CUBN: variants seen among roughly 807,000 people sequenced by gnomAD.
The protein encoded by CUBN is cubilin.
Under a neutral mutation model 405.3 loss-of-function variants are expected in CUBN, and 282 were observed. That is an observed-to-expected ratio of 0.70 (90% CI 0.63 to 0.77). The LOEUF is 0.77. Among genes scored for constraint, CUBN ranks in the 30% least tolerant of loss-of-function variants. CUBN has a pLI of 0.00. For synonymous variants in CUBN, 1,684 were observed against 1,617.0 expected (o/e 1.04, Z -0.99); for missense variants, 4,514 against 4,475.2 (o/e 1.01, Z -0.25).
intron 50 of CUBN, among the ~76,000 whole-genome samples, chr10:16,905,253 T>C (rs1695106760): frequency 6.6e-6 from 1 of 152,154 alleles, no homozygotes; most frequent in African/African-American, 2.4e-5. Context: ...AGCATAATCA[T>C]GGAAGCAACC....
chr10:16,858,516 T>C (rs1839927479), intron 59 of CUBN, among the ~76,000 whole-genome samples: 1 of 151,922 alleles, frequency 6.6e-6, no homozygotes, highest in Non-Finnish European at 1.5e-5. Flanking sequence ...AGACAGGGTC[T>C]TGCTATTATT....
At chr10:16,905,834 C>T (rs1273480095) in intron 50 of CUBN, among the ~76,000 whole-genome samples, 1 of 152,142 alleles carries the variant, frequency 6.6e-6, no homozygotes, top group Non-Finnish European at 1.5e-5. Context: ...TATTGTAGGC[C>T]AGCCGTGGTG....
intron 57 of CUBN, among the ~76,000 whole-genome samples, chr10:16,875,667 G>A (rs113126038): frequency 2.6e-5 from 4 of 152,168 alleles, no homozygotes; most frequent in African/African-American, 9.7e-5. Flanking sequence ...CAATTATGTG[G>A]TCTCTGGAAG....
chr10:17,113,597 T>C (rs1360334118), intron 8 of CUBN, among the ~76,000 whole-genome samples: 1 of 152,146 alleles, frequency 6.6e-6, no homozygotes, highest in African/African-American at 2.4e-5. Context: ...ATACCTCTGT[T>C]TAGGTCAAGG....
intron 6 of CUBN, among the ~76,000 whole-genome samples, chr10:17,116,056 G>A (rs550862594): frequency 1.8e-4 from 28 of 152,274 alleles, no homozygotes; most frequent in Non-Finnish European, 3.1e-4. Flanking sequence ...ACGCAATCCA[G>A]TGTCCACACC....
intron 27 of CUBN, among the ~76,000 whole-genome samples, chr10:17,020,281 A>G (rs146926116): frequency 5.3e-4 from 81 of 152,358 alleles, no homozygotes; most frequent in Non-Finnish European, 9.7e-4. Flanking sequence ...ATACGGAAAT[A>G]GTAGGCATTC....
rs1833308561 is a variant in CUBN, at chr10:16,982,660, G to A, written c.4526-7C>T. 2 of 1,610,654 alleles carry A rather than the reference G, an allele frequency of 1.2e-6. No homozygotes were observed. Among genetic ancestry groups the A allele is most frequent in the South Asian group, 1.1e-5 (1 of 90,972 alleles). ...TGGAAAATCCCACCACAACCTGGAAGTGGGGAACACAATTATTTCATGAGA... is the reference window on the plus strand; with the variant it reads ...TGGAAAATCCCACCACAACCTGGAAATGGGGAACACAATTATTTCATGAGA... On this transcript the variant is annotated splice_region_variant and splice_polypyrimidine_tract_variant and intron_variant, in intron 30 of 66. Coordinates refer to ENST00000377833, the MANE Select transcript of CUBN (RefSeq NM_001081.4).
rs756171220 is a variant in CUBN, at chr10:17,071,809, A to G, written c.2446+18T>C. On this transcript the variant is annotated intron_variant, in intron 18 of 66. Transcript: ENST00000377833. The stretch of plus-strand genomic sequence containing the variant: ...CAATCAGGCAAATTAGACATTTAAA[A>G]ATTATATGTTTCCTTACCGACTTGA... 4 of 1,609,412 alleles carry G rather than the reference A, an allele frequency of 2.5e-6. No homozygotes were observed. In the Admixed American group the frequency reaches 5.0e-5, roughly 20 times the overall value.
At chr10:16,956,819 C>T (rs1391687742) in intron 31 of CUBN, among the ~76,000 whole-genome samples, 1 of 151,892 alleles carries the variant, frequency 6.6e-6, no homozygotes, top group Non-Finnish European at 1.5e-5. Context: ...AGCATTTTTT[C>T]ATTTTTATAA....
chr10:17,109,645 G>A lies in CUBN; in HGVS notation c.1106C>T (p.Thr369Ile), dbSNP rs1005626524. ...GCHPDASCSS[T>I]LGSLPLCTCL... ...AGAGAGAGATGAGTCATTACCTAGA[G>A]TTGAGGAGCATGAGGCATCTGGGTG... The change falls in exon 10 of 67, where the codon ACT (threonine) becomes ATT (isoleucine). Residue 369 changes from threonine to isoleucine, a missense_variant. By Grantham distance (89) the Thr-to-Ile change is moderately conservative (BLOSUM62 -1). Transcript: ENST00000377833. The A allele has an allele frequency of 1.1e-5, 18 of 1,613,146 alleles. No individual in the cohort carries two copies. The highest frequency in any genetic ancestry group is 1.5e-5 in the Non-Finnish European group (18 of 1,179,176).
intron 59 of CUBN, among the ~76,000 whole-genome samples, chr10:16,857,599 G>A (rs2131348192): frequency 6.6e-6 from 1 of 152,276 alleles, no homozygotes; most frequent in South Asian, 2.1e-4. Flanking sequence ...AGTTGATGCT[G>A]AAAAAGGATT....
chr10:17,001,797 T>C (rs965670728), intron 28 of CUBN, among the ~76,000 whole-genome samples: 12 of 152,234 alleles, frequency 7.9e-5, no homozygotes, highest in African/African-American at 2.9e-4. Context: ...TCTATATTAT[T>C]TATCCTGCAT....
At chr10:16,946,460 T>C (rs1267910811) in intron 36 of CUBN, among the ~76,000 whole-genome samples, 6 of 151,928 alleles carry the variant, frequency 3.9e-5, no homozygotes, top group African/African-American at 1.4e-4. Context: ...AGTTTAAGTT[T>C]GGAAGTTAAA....
In CUBN at chr10:16,847,529, G is replaced by GT. The variant is rs573706345; in HGVS notation, c.9663+3705dup. On this transcript the variant is annotated intron_variant, in intron 60 of 66. Coordinates refer to ENST00000377833, the MANE Select transcript of CUBN (RefSeq NM_001081.4). ...GTACTTTAAATGTAATTATTTAAAT[G>GT]TATGTTTTTTGTTTACATGTCAGTC... Among the ~76,000 whole-genome samples, 323 of 152,268 alleles carry GT rather than the reference G, an allele frequency of 2.1e-3. 2 individuals are homozygous for GT. The highest frequency in any genetic ancestry group is 7.2e-3 in the African/African-American group (300 of 41,550).
intron 65 of CUBN, 50 bp downstream of exon 65, chr10:16,831,202 C>T (rs1294163477): frequency 1.3e-6 from 2 of 1,539,338 alleles, no homozygotes; most frequent in African/African-American, 2.7e-5. Context: ...CTATTAGACA[C>T]CTCATGTTTT....
At chr10:16,836,137 A>T in intron 63 of CUBN, 98 bp downstream of exon 63, 2 of 1,210,764 alleles carry the variant, frequency 1.7e-6, no homozygotes, top group Admixed American at 3.5e-5. Flanking sequence ...ATCCTAATTT[A>T]CTCACAGGAG....
rs768779825 is a variant in CUBN, at chr10:16,890,530, A to C, written c.8599-3T>G. 6.2e-7 allele frequency: 1 copy of C among 1,614,172 alleles called. No homozygotes were observed. The highest frequency in any genetic ancestry group is 1.1e-5 in the South Asian group (1 of 91,088). On this transcript the variant is annotated splice_region_variant and splice_polypyrimidine_tract_variant and intron_variant, in intron 54 of 66. Transcript: ENST00000377833. The stretch of plus-strand genomic sequence containing the variant: ...ACCTCCTCAGTTCCTGCCCACACCT[A>C]GCACGGACATACACAGAACTTTAAT...
intron 27 of CUBN, among the ~76,000 whole-genome samples, chr10:17,028,132 C>A (rs1834709806): frequency 1.3e-5 from 2 of 152,022 alleles, no homozygotes; most frequent in Admixed American, 1.3e-4. Context: ...GCTTTGAAAG[C>A]TAAGCATACT....
chr10:17,064,840 T>C lies in CUBN; in HGVS notation c.3139+668A>G, dbSNP rs533278722. ...AAATTAAGTAATAGGAAAAATACAA[T>C]GAAAGGAATAAATGCTGAAAAGTTT... On this transcript the variant is annotated intron_variant, in intron 22 of 66. Transcript: ENST00000377833. Among the ~76,000 whole-genome samples, 9 of 152,228 alleles carry C rather than the reference T, an allele frequency of 5.9e-5. No homozygotes were observed. In the South Asian group the frequency reaches 1.9e-3, roughly 32 times the overall value.
Sources: allele counts gnomAD v4.1 joint callset (sites outside exome capture counted in the v4.1 genomes callset), GRCh38; gene constraint gnomAD v4.1.1; transcripts MANE v1.5; gene names NCBI Gene and HGNC (gene_info 2026-07-23, HGNC 2026-07-21).